Variants in DNAH6 observed in about 807,000 individuals in gnomAD.
The protein encoded by DNAH6 is axonemal beta dynein heavy chain 6.
In DNAH6, 340 loss-of-function variants were observed where a neutral mutation model predicts 491.4. The observed-to-expected ratio is 0.69, with a 90% CI of 0.63 to 0.76. The LOEUF (loss-of-function observed/expected upper bound fraction) is 0.76, where lower values mean the gene tolerates loss of function less well. Ranked by LOEUF, DNAH6 falls within the 30% of genes least tolerant of loss-of-function variation. The pLI, the probability that DNAH6 is intolerant of heterozygous loss-of-function variation, is 0.00. For missense variants in DNAH6, 4,443 were observed against 4,972.2 expected, an observed-to-expected ratio of 0.89 and a Z score of 3.20; for synonymous variants, 1,603 against 1,686.1, an observed-to-expected ratio of 0.95 and a Z score of 1.21.
chr2:84,552,148 G>A (rs1416804320), intron 9 of DNAH6, among the ~76,000 whole-genome samples: 1 of 152,046 alleles, frequency 6.6e-6, no homozygotes, highest in African/African-American at 2.4e-5. Flanking sequence ...ACACAAGGTG[G>A]TATATCACTG....
chr2:84,517,877 G>T lies in DNAH6; in HGVS notation c.51G>T (p.Glu17Asp), dbSNP rs1675745333. ...AATTTGACCTGACAAATATTGAAGAGTATGCCGAAAATTCTGCACTTTCAA... is the reference window on the plus strand; with the variant it reads ...AATTTGACCTGACAAATATTGAAGATTATGCCGAAAATTCTGCACTTTCAA... ...DSEFDLTNIE[E>D]YAENSALSRL... is the part of the protein sequence containing the mutation. The change falls in exon 2 of 77, where the codon GAG (glutamate) becomes GAT (aspartate). Residue 17 changes from glutamate (E) to aspartate (D), a missense_variant. Glu to Asp is a conservative substitution (Grantham distance 45). Around this residue, in one of 3 missense-constraint regions of DNAH6, gnomAD observed 2,977 missense variants for 3,296.6 expected, o/e 0.90. Transcript: ENST00000389394. 1 of 1,551,642 alleles carries T rather than the reference G, an allele frequency of 6.4e-7. No homozygotes were observed. Among genetic ancestry groups the T allele is most frequent in the Non-Finnish European group, 8.7e-7 (1 of 1,147,008 alleles).
chr2:84,670,728 C>G (rs1008475508), intron 39 of DNAH6, among the ~76,000 whole-genome samples: 2 of 152,210 alleles, frequency 1.3e-5, no homozygotes, highest in African/African-American at 4.8e-5. Flanking sequence ...CTCCCTCTCT[C>G]CACCCAGGTT....
In DNAH6 at chr2:84,611,157, G is replaced by T. The variant is rs549491238; in HGVS notation, c.3295-517G>T. Among the ~76,000 whole-genome samples the T allele has an allele frequency of 5.9e-4, 68 of 115,806 alleles. 1 individual carries two copies. The Middle Eastern group carries it at 0.024, about 41-fold the overall frequency. The allele number at this position is 115,806 out of a possible 152,430, so 76.0% of individuals were successfully genotyped here. A position where few individuals can be genotyped will look rare whatever the true frequency, so the allele number is the denominator to read the frequency against. The stretch of plus-strand genomic sequence containing the variant: ...TTTTATTAACAGTGATTGTCTAAAA[G>T]CAGAGGGAATGCATGATTTTCTTCT... On this transcript the variant is annotated intron_variant, in intron 21 of 76. Transcript: ENST00000389394.
intron 63 of DNAH6, 25 bp from the exon 64 acceptor site, chr2:84,762,730 C>CA: frequency 6.8e-7 from 1 of 1,479,200 alleles, no homozygotes; most frequent in Non-Finnish European, 9.2e-7. Context: ...ATTCAACATA[C>CA]TTTTTTTTTC....
rs548138228 is a variant in DNAH6 at position 84,700,121 on chromosome 2, AT to A, written c.7818+392del. Reference sequence around the variant, plus strand: ...GGACATGTGAGGTCAAGAGAGAAGTATTTTTAAATGTGAAACACAAGCGGCA... The same window carrying A: ...GGACATGTGAGGTCAAGAGAGAAGTATTTTAAATGTGAAACACAAGCGGCA... On this transcript the variant is annotated intron_variant, in intron 48 of 76. Transcript: ENST00000389394. Among the ~76,000 whole-genome samples the A allele has an allele frequency of 2.3e-3, 343 of 152,320 alleles. 1 individual carries two copies. Among genetic ancestry groups the A allele is most frequent in the African/African-American group, 7.7e-3 (322 of 41,568 alleles).
Position 84,616,910 on chromosome 2 carries a change from A to C in DNAH6, c.3500A>C (p.Asn1167Thr). 1 of 1,493,260 alleles carries C rather than the reference A, an allele frequency of 6.7e-7. No homozygotes were observed. The highest frequency in any genetic ancestry group is 1.4e-5 in the African/African-American group (1 of 69,732). The allele number at this position is 1,493,260 out of a possible 1,614,324, so 92.5% of individuals were successfully genotyped here. A position where few individuals can be genotyped will look rare whatever the true frequency, so the allele number is the denominator to read the frequency against. The change falls in exon 23 of 77, where the codon AAT becomes ACT. Residue 1167 changes from asparagine to threonine, a missense_variant. Around this residue, in one of 3 missense-constraint regions of DNAH6, gnomAD observed 2,977 missense variants for 3,296.6 expected, o/e 0.90. Coordinates refer to ENST00000389394, the MANE Select transcript of DNAH6 (RefSeq NM_001370.2). Reference sequence around the variant, plus strand: ...GGACTTCTGGAAACTTTTCAAAACAATAATGCATTACTTGACCAAATTCAG... The same window carrying C: ...GGACTTCTGGAAACTTTTCAAAACACTAATGCATTACTTGACCAAATTCAG... ...QPGLLETFQNNNALLDQIQKC... is the reference protein window; with the variant it reads ...QPGLLETFQNTNALLDQIQKC...
intron 71 of DNAH6, among the ~76,000 whole-genome samples, chr2:84,806,918 G>T (rs1679473595): frequency 6.6e-6 from 1 of 152,142 alleles, no homozygotes; most frequent in African/African-American, 2.4e-5. Flanking sequence ...AGCAAACAGA[G>T]TCATTAAATA....
In DNAH6 at chr2:84,694,166, C is replaced by T. The variant is rs1239247708; in HGVS notation, c.7293-83C>T. The T allele has an allele frequency of 3.1e-6, 4 of 1,282,826 alleles. No individual in the cohort carries two copies. In the African/African-American group the frequency reaches 4.5e-5, roughly 14 times the overall value. 79.5% of individuals were successfully genotyped at this position (1,282,826 alleles called of 1,614,324 possible). ...CCAGGGAGGAGGCTCCACTGGCCAC[C>T]AGCCTTTGGCTCTGGGGCAGGCTCT... On this transcript the variant is annotated intron_variant, in intron 45 of 76. Transcript: ENST00000389394.
intron 13 of DNAH6, 97 bp from the exon 14 acceptor site, chr2:84,579,430 C>T: frequency 3.0e-6 from 4 of 1,352,656 alleles, no homozygotes; most frequent in Non-Finnish European, 4.1e-6. Flanking sequence ...GCTTCCAATG[C>T]CTGCTGATTT....
At chr2:84,585,503 C>G (rs946080142) in intron 15 of DNAH6, among the ~76,000 whole-genome samples, 1 of 152,090 alleles carries the variant, frequency 6.6e-6, no homozygotes, top group Non-Finnish European at 1.5e-5. Flanking sequence ...GGCAGGTCAT[C>G]CCATTGAGTG....
rs190650754 is a variant in DNAH6 at position 84,617,125 on chromosome 2, C to T, written c.3572+143C>T. On this transcript the variant is annotated intron_variant, in intron 23 of 76. Coordinates refer to ENST00000389394, the MANE Select transcript of DNAH6 (RefSeq NM_001370.2). ...CGATAATGAAAATCCAACTAGTTATCGTAATTGAGGAGTATAAGTCTCAAG... is the reference window on the plus strand; with the variant it reads ...CGATAATGAAAATCCAACTAGTTATTGTAATTGAGGAGTATAAGTCTCAAG... 75 of 536,288 alleles carry T rather than the reference C, an allele frequency of 1.4e-4. 1 individual carries two copies. The Middle Eastern group carries it at 3.9e-3, about 28-fold the overall frequency. 33.2% of individuals were successfully genotyped at this position (536,288 alleles called of 1,614,324 possible).
rs147947862 is a variant in DNAH6, at chr2:84,753,433, G to T, written c.10512+8184G>T. 7.2e-3 allele frequency among the ~76,000 whole-genome samples: 1,085 copies of T among 151,676 alleles called. 12 individuals carry two copies. The highest frequency in any genetic ancestry group is 0.024 in the African/African-American group (1,002 of 41,330). On this transcript the variant is annotated intron_variant, in intron 63 of 76. Coordinates refer to ENST00000389394, the MANE Select transcript of DNAH6 (RefSeq NM_001370.2). Reference sequence around the variant, plus strand: ...TTCTTCTGTTGCTTGTGCTTTTAATGTCACAACTAAGAAACCATTGCCTAA... The same window carrying T: ...TTCTTCTGTTGCTTGTGCTTTTAATTTCACAACTAAGAAACCATTGCCTAA...
intron 68 of DNAH6, among the ~76,000 whole-genome samples, chr2:84,790,699 C>T (rs763049724): frequency 9.2e-5 from 14 of 152,264 alleles, no homozygotes; most frequent in Admixed American, 2.0e-4. Context: ...TTCACACCTA[C>T]TAGGATGACT....
the DNAH6 span, among the ~76,000 whole-genome samples, chr2:84,467,101 C>T: frequency 6.6e-6 from 1 of 152,190 alleles, no homozygotes; most frequent in East Asian, 1.9e-4. Context: ...GTTCAGTTTA[C>T]AGAAAAACTG....
intron 64 of DNAH6, among the ~76,000 whole-genome samples, chr2:84,773,766 TA>T (rs1675861056): frequency 1.3e-5 from 2 of 152,260 alleles, no homozygotes; most frequent in South Asian, 4.1e-4. Context: ...TTTGACTTTT[TA>T]ATAATAGCCA....
the DNAH6 span, among the ~76,000 whole-genome samples, chr2:84,471,291 G>T: frequency 2.6e-5 from 4 of 152,308 alleles, no homozygotes; most frequent in South Asian, 6.2e-4. Flanking sequence ...GCAATTGCAG[G>T]CTGTGCAGCC....
At chr2:84,585,658 G>C (rs1443553738) in intron 15 of DNAH6, among the ~76,000 whole-genome samples, 2 of 152,082 alleles carry the variant, frequency 1.3e-5, no homozygotes. Context: ...TGTATGCCCA[G>C]CTCCTAGCAG....
chr2:84,579,862 G>GTAC (rs527589945), intron 14 of DNAH6, among the ~76,000 whole-genome samples, 183 bp downstream of exon 14: 15 of 152,302 alleles, frequency 9.8e-5, no homozygotes, highest in Admixed American at 9.1e-4. Context: ...CAGACTCTTA[G>GTAC]TACTAGTCAG....
At chr2:84,607,344 T>C (rs1685873304) in intron 21 of DNAH6, among the ~76,000 whole-genome samples, 2 of 152,118 alleles carry the variant, frequency 1.3e-5, no homozygotes, top group African/African-American at 4.8e-5. Flanking sequence ...TAGATTTGGT[T>C]CCAAACCACC....
Sources: gnomAD v4.1 joint callset for allele counts (sites outside exome capture counted in the v4.1 genomes callset) on GRCh38, gnomAD v4.1.1 for gene constraint, gnomAD v4.1.1 regional missense constraint, MANE v1.5 for transcripts, NCBI Gene and HGNC (gene_info 2026-07-23, HGNC 2026-07-21) for gene names.